The following SHROOM3 variants were observed in gnomAD, a reference collection of about 807,000 sequenced individuals.
The protein encoded by SHROOM3 is shroom family member 3, also known as protein Shroom3.
A neutral mutation model predicts 138.6 loss-of-function variants in SHROOM3; 47 were observed. The ratio of observed to expected loss-of-function variants is 0.34; its 90% CI spans 0.27 to 0.43. The LOEUF is 0.43. SHROOM3 is among the 20% of genes least tolerant of loss of function. SHROOM3 has a pLI of 1.00. For synonymous variants in SHROOM3, 1,062 were observed against 1,063.3 expected (o/e 1.00, Z 0.02); for missense variants, 2,491 against 2,596.5 (o/e 0.96, Z 0.88).
At chr4:76,650,016 C>T (rs1259447621) in intron 2 of SHROOM3, among the ~76,000 whole-genome samples, 5 of 152,180 alleles carry the variant, frequency 3.3e-5, no homozygotes, top group African/African-American at 1.2e-4. Flanking sequence ...TGGCTTCCTT[C>T]TCCTTATGTC....
chr4:76,717,180 A>T (rs1431771668), intron 3 of SHROOM3, among the ~76,000 whole-genome samples: 1 of 151,890 alleles, frequency 6.6e-6, no homozygotes, highest in Admixed American at 6.5e-5. Flanking sequence ...TCTTTCTTGC[A>T]TGGTTTCTGA....
At chr4:76,549,394 C>T (rs527441643) in intron 1 of SHROOM3, among the ~76,000 whole-genome samples, 20 of 151,020 alleles carry the variant, frequency 1.3e-4, no homozygotes, top group African/African-American at 4.4e-4. Context: ...TTTGAGATGG[C>T]GTCTCGCTCT....
At chr4:76,646,042 T>A (rs1735806029) in intron 2 of SHROOM3, among the ~76,000 whole-genome samples, 1 of 151,612 alleles carries the variant, frequency 6.6e-6, no homozygotes, top group South Asian at 2.1e-4. Flanking sequence ...ACTCACTAAG[T>A]AGGAAAGCAG....
intron 2 of SHROOM3, among the ~76,000 whole-genome samples, chr4:76,593,136 A>G (rs1473431940): frequency 1.3e-5 from 2 of 152,240 alleles, no homozygotes; most frequent in Non-Finnish European, 2.9e-5. Flanking sequence ...TAGAACCACC[A>G]TAAGTGATTT....
intron 1 of SHROOM3, among the ~76,000 whole-genome samples, chr4:76,547,932 A>AACACACACACACACACACACACAC (rs57089323): frequency 1.2e-4 from 17 of 146,186 alleles, no homozygotes; most frequent in East Asian, 1.0e-3. Context: ...CCTGTCTCAA[A>AACACACACACACACACACACACAC]ACACACACAC....
At chr4:76,586,355 C>T (rs937053524) in intron 2 of SHROOM3, 1 of 985,774 alleles carries the variant, frequency 1.0e-6, no homozygotes, top group Non-Finnish European at 1.2e-6. Flanking sequence ...AGGCCACCTC[C>T]CCCAAGCCAC....
chr4:76,713,905 C>T (rs79705476), intron 3 of SHROOM3, among the ~76,000 whole-genome samples: 2 of 152,154 alleles, frequency 1.3e-5, no homozygotes, highest in African/African-American at 2.4e-5. Flanking sequence ...TTTCCTGTCC[C>T]CCAAGAAGTC....
chr4:76,469,178 G>A (rs1175652971), intron 1 of SHROOM3, among the ~76,000 whole-genome samples: 2 of 152,074 alleles, frequency 1.3e-5, no homozygotes, highest in Non-Finnish European at 2.9e-5. Context: ...TCCAGCCTAG[G>A]CCACAGAGTG....
intron 1 of SHROOM3, chr4:76,532,389 G>C (rs752084659): frequency 6.6e-6 from 1 of 152,130 alleles, no homozygotes; most frequent in Non-Finnish European, 1.5e-5. Context: ...TGAATGCTTC[G>C]GTTCCCTATT....
intron 6 of SHROOM3, among the ~76,000 whole-genome samples, chr4:76,750,872 C>T (rs544279161): frequency 9.4e-4 from 143 of 151,944 alleles, no homozygotes; most frequent in African/African-American, 3.2e-3. Context: ...TGACAAGCAT[C>T]GCATACCACT....
chr4:76,570,831 A>G (rs1238332044), intron 2 of SHROOM3, among the ~76,000 whole-genome samples: 2 of 152,194 alleles, frequency 1.3e-5, no homozygotes, highest in Non-Finnish European at 2.9e-5. Flanking sequence ...TGTGCAGACT[A>G]CGTGGGTGGT....
intron 2 of SHROOM3, among the ~76,000 whole-genome samples, chr4:76,596,624 A>T (rs73828192): frequency 0.043 from 6,080 of 141,516 alleles, 398 homozygotes; most frequent in African/African-American, 0.15. Context: ...ACACACACAC[A>T]CTCTCCAACA....
chr4:76,659,935 A>G (rs1052170383), intron 2 of SHROOM3, among the ~76,000 whole-genome samples: 1 of 152,218 alleles, frequency 6.6e-6, no homozygotes, highest in African/African-American at 2.4e-5. Context: ...GACTGAAGCA[A>G]CCCATCTAAA....
intron 1 of SHROOM3, among the ~76,000 whole-genome samples, chr4:76,485,952 AT>A (rs1178130560): frequency 6.6e-6 from 1 of 152,144 alleles, no homozygotes; most frequent in Non-Finnish European, 1.5e-5. Context: ...TAGCTTGGCC[AT>A]TTCCATTTTT....
At chr4:76,654,480 A>T (rs570509998) in intron 2 of SHROOM3, among the ~76,000 whole-genome samples, 1 of 152,050 alleles carries the variant, frequency 6.6e-6, no homozygotes, top group African/African-American at 2.4e-5. Flanking sequence ...GTGTGTGCCA[A>T]CATGCCCAGC....
At chr4:76,660,912 A>G (rs562664639) in intron 2 of SHROOM3, among the ~76,000 whole-genome samples, 3 of 151,428 alleles carry the variant, frequency 2.0e-5, no homozygotes, top group Admixed American at 2.0e-4. Context: ...TAATCCTCCC[A>G]CCCTAGCTTC....
At chr4:76,750,036 A>C (rs1721569927) in intron 6 of SHROOM3, among the ~76,000 whole-genome samples, 1 of 152,156 alleles carries the variant, frequency 6.6e-6, no homozygotes, top group South Asian at 2.1e-4. Context: ...ACACAACCTA[A>C]TTCTGTCAAG....
intron 3 of SHROOM3, among the ~76,000 whole-genome samples, chr4:76,721,539 A>G (rs896249162): frequency 6.6e-6 from 1 of 152,330 alleles, no homozygotes; most frequent in Non-Finnish European, 1.5e-5. Flanking sequence ...ATGATCTTCA[A>G]TATGTTTGAG....
At chr4:76,702,311 T>C (rs1310260301) in intron 2 of SHROOM3, among the ~76,000 whole-genome samples, 1 of 152,224 alleles carries the variant, frequency 6.6e-6, no homozygotes, top group African/African-American at 2.4e-5. Flanking sequence ...TTGCCTCAAA[T>C]GATAAGAAGA....
Sources: gnomAD v4.1 joint callset for allele counts (sites outside exome capture counted in the v4.1 genomes callset) on GRCh38, gnomAD v4.1.1 for gene constraint, MANE v1.5 for transcripts, NCBI Gene and HGNC (gene_info 2026-07-23, HGNC 2026-07-21) for gene names.